Variants in CDHR5 observed in about 807,000 individuals in gnomAD.
CDHR5 encodes cadherin-related family member 5.
A neutral mutation model predicts 69.5 loss-of-function variants in CDHR5; 82 were observed. The observed-to-expected ratio is 1.18, with a 90% confidence interval of 0.99 to 1.42. CDHR5 has a LOEUF of 1.42. Ranked by LOEUF, CDHR5 falls within the 40% of genes most tolerant of loss-of-function variation. The pLI is 0.00. For synonymous variants in CDHR5, 601 were observed against 510.2 expected, an observed-to-expected ratio of 1.18 and a Z score of -2.40; for missense variants, 1,293 against 1,168.9, an observed-to-expected ratio of 1.11 and a Z score of -1.55.
intron 13 of CDHR5, 80 bp downstream of exon 13, chr11:618,519 G>A (rs891542533): frequency 3.3e-5 from 51 of 1,524,764 alleles, no homozygotes; most frequent in Admixed American, 7.0e-5. Context: ...AGGTCAGCCT[G>A]GGGTGGACCC....
chr11:621,694 C>T lies in CDHR5; in HGVS notation c.406-31G>A, dbSNP rs998797295. 6.4e-6 allele frequency: 10 copies of T among 1,571,670 alleles called. No individual in the cohort carries two copies. In the African/African-American group the frequency reaches 1.2e-4, roughly 19 times the overall value. On this transcript the variant is annotated intron_variant, in intron 4 of 14. Coordinates refer to ENST00000397542, the MANE Select transcript of CDHR5 (RefSeq NM_021924.5). This position sits in a 1 kb window ranked among gnomAD's most constrained non-coding sequence, Gnocchi z 4.4. ...GAGGGAGAGGGGCTTGGTCCGGCCA[C>T]ACTCTTGGCCCCTGTGGACCCCCAC...
At chr11:622,669 T>A (rs1028325639) in intron 3 of CDHR5, among the ~76,000 whole-genome samples, 1 of 150,036 alleles carries the variant, frequency 6.7e-6, no homozygotes, top group Non-Finnish European at 1.5e-5. Flanking sequence ...AGAGACGGGG[T>A]TTCACCATTT....
At chr11:623,335 C>T (rs1048209583) in intron 3 of CDHR5, among the ~76,000 whole-genome samples, 3 of 152,132 alleles carry the variant, frequency 2.0e-5, no homozygotes, top group Non-Finnish European at 4.4e-5. Context: ...CTTTCAGAGA[C>T]ATATCCCAAG....
In CDHR5 at chr11:617,656, C is replaced by A. The variant is rs756764471; in HGVS notation, c.2233G>T (p.Ala745Ser). 2.0e-6 allele frequency: 3 copies of A among 1,526,124 alleles called. No individual in the cohort carries two copies. Among genetic ancestry groups the A allele is most frequent in the African/African-American group, 1.4e-5 (1 of 72,060 alleles). The allele number at this position is 1,526,124 out of a possible 1,614,324, so 94.5% of individuals were successfully genotyped here. A position where few individuals can be genotyped will look rare whatever the true frequency, so the allele number is the denominator to read the frequency against. ...GCAGGGCCGGGGGGTGCGGGCTCTG[C>A]GGGCATCGGTGCCTCCGCGGGCTTG... ...DPKPAEAPMP[A>S]EPAPPGPASP... is the part of the protein sequence containing the mutation. The change falls in exon 15 of 15, where the codon GCA becomes TCA. Residue 745 changes from alanine to serine, a missense_variant. Transcript: ENST00000397542.
rs369395591 is a variant in CDHR5, at chr11:621,834, G to A, written c.383C>T (p.Thr128Ile). The A allele has an allele frequency of 6.2e-7, 1 of 1,613,514 alleles. No individual in the cohort carries two copies. The highest frequency in any genetic ancestry group is 8.5e-7 in the Non-Finnish European group (1 of 1,179,716). The change falls in exon 4 of 15, where the codon ACC (threonine) becomes ATC (isoleucine). Residue 128 changes from threonine (T) to isoleucine (I), a missense_variant. Coordinates refer to ENST00000397542, the MANE Select transcript of CDHR5 (RefSeq NM_021924.5). This position sits in a 1 kb window ranked among gnomAD's most constrained non-coding sequence, Gnocchi z 4.4. ...CACCTCCTCCACCCTTATCTCCTTGGTCTTAAAGGGGAATTCGGGGGCATT... is the reference window on the plus strand; with the variant it reads ...CACCTCCTCCACCCTTATCTCCTTGATCTTAAAGGGGAATTCGGGGGCATT... ...NDNAPEFPFK[T>I]KEIRVEEDTK...
In CDHR5 at chr11:620,420, G is replaced by A. The variant is rs1047513731; in HGVS notation, c.790-34C>T. 46 of 1,472,586 alleles carry A rather than the reference G, an allele frequency of 3.1e-5. No individual in the cohort carries two copies. In the East Asian group the frequency reaches 1.0e-3, roughly 32 times the overall value. The allele number at this position is 1,472,586 out of a possible 1,614,324, so 91.2% of individuals were successfully genotyped here. Reference sequence around the variant, plus strand: ...ATGGCGGAAGGGAGGGCACGTCGTGGGGCTGGGGTGGATGGCCCCAGCCTG... The same window carrying A: ...ATGGCGGAAGGGAGGGCACGTCGTGAGGCTGGGGTGGATGGCCCCAGCCTG... On this transcript the variant is annotated intron_variant, in intron 7 of 14. Transcript: ENST00000397542.
In CDHR5 at chr11:621,179, G is replaced by T. The variant is rs149130963; in HGVS notation, c.690C>A (p.Ala230=). Residue 230 remains alanine (A), a synonymous_variant, in exon 7 of 15, where the codon GCC becomes GCA. Transcript: ENST00000397542. This position sits in a 1 kb window ranked among gnomAD's most constrained non-coding sequence, Gnocchi z 4.4. ...GCAGGAACCACGGGGGCCGCAGGTC[G>T]GCGGGCACCACGTTCAGCACTAGTG... is the stretch of plus-strand genomic sequence containing the variant. ...TATLVLNVVP[A]DLRPPWFLPC... is the part of the protein sequence containing the mutation. 9.0e-5 allele frequency: 144 copies of T among 1,605,792 alleles called. 2 individuals carry two copies. In the South Asian group the frequency reaches 1.4e-3, roughly 16 times the overall value.
At chr11:619,994 C>G in intron 9 of CDHR5, 73 bp downstream of exon 9, 24 of 1,256,558 alleles carry the variant, frequency 1.9e-5, no homozygotes, top group Non-Finnish European at 2.6e-5. Context: ...CCCCGGCCCC[C>G]CAGCCCTGAC....
Position 617,521 on chromosome 11 carries a change from C to A in CDHR5, c.2368G>T (p.Ala790Ser). The A allele has an allele frequency of 6.2e-7, 1 of 1,612,666 alleles. No individual in the cohort carries two copies. Among genetic ancestry groups the A allele is most frequent in the South Asian group, 1.1e-5 (1 of 91,084 alleles). ...KERRPEGGYK[A>S]VWFGEDIGTE... ...CCGATGTCCTCGCCAAACCAGACAG[C>A]CTTGTACCCGCCCTCCGGCCGCCGC... The change falls in exon 15 of 15, where the codon GCT becomes TCT. Residue 790 changes from alanine to serine, a missense_variant. Transcript: ENST00000397542.
rs1468669253 is a variant in CDHR5, at chr11:617,497, C to A, written c.2392G>T (p.Gly798Trp). The A allele has an allele frequency of 1.2e-6, 2 of 1,612,736 alleles. No individual in the cohort carries two copies. The highest frequency in any genetic ancestry group is 1.7e-5 in the Admixed American group (1 of 60,028). The change falls in exon 15 of 15, where the codon GGG becomes TGG. Residue 798 changes from glycine to tryptophan, a missense_variant. Gly to Trp is a radical substitution (Grantham distance 184, BLOSUM62 -2). Coordinates refer to ENST00000397542, the MANE Select transcript of CDHR5 (RefSeq NM_021924.5). ...AGAACGACCACGTCTGCCTCCGTCC[C>A]GATGTCCTCGCCAAACCAGACAGCC... Reference protein sequence around the residue: ...YKAVWFGEDIGTEADVVVLNA... With the variant: ...YKAVWFGEDIWTEADVVVLNA...
chr11:617,896 T>TCCC (rs1857064960), intron 14 of CDHR5, 58 bp downstream of exon 14: 2 of 1,568,204 alleles, frequency 1.3e-6, no homozygotes, highest in South Asian at 2.3e-5. Context: ...CCCTCTCCTG[T>TCCC]CCCCCGTCCC....
chr11:620,730 G>A (rs1480548487), intron 7 of CDHR5, among the ~76,000 whole-genome samples: 1 of 152,168 alleles, frequency 6.6e-6, no homozygotes, highest in South Asian at 2.1e-4. Context: ...GTGCCTTGGT[G>A]CCAGGAAGGT....
chr11:624,458 G>T lies in CDHR5; in HGVS notation c.261+99C>A. 3 of 1,252,566 alleles carry T rather than the reference G, an allele frequency of 2.4e-6. No homozygotes were observed. Among genetic ancestry groups the T allele is most frequent in the Non-Finnish European group, 3.5e-6 (3 of 855,046 alleles). 77.6% of individuals were successfully genotyped at this position (1,252,566 alleles called of 1,614,324 possible). ...CAAGCATGGGTGTCAGTGGATGCCC[G>T]CAGGCATAGAACTCCTAGGCCCCCA... On this transcript the variant is annotated intron_variant, in intron 2 of 14. Transcript: ENST00000397542. This position sits in a 1 kb window ranked among gnomAD's most constrained non-coding sequence, Gnocchi z 5.3.
At chr11:618,147 C>T (rs1564893043) in intron 13 of CDHR5, 36 bp from the exon 14 acceptor site, 3 of 1,558,248 alleles carry the variant, frequency 1.9e-6, no homozygotes, top group Non-Finnish European at 8.8e-7. Context: ...CATCCCCGCA[C>T]TGTTGAGTGC....
At chr11:623,285 G>T (rs911885565) in intron 3 of CDHR5, among the ~76,000 whole-genome samples, 1 of 152,114 alleles carries the variant, frequency 6.6e-6, no homozygotes, top group African/African-American at 2.4e-5. Flanking sequence ...CGCCAGCCTG[G>T]GTGACAGAGT....
Position 621,066 on chromosome 11 carries a change from TC to T in CDHR5, c.789+13del, listed in dbSNP as rs757363354. 4.5e-6 allele frequency: 6 copies of T among 1,335,878 alleles called. No individual in the cohort carries two copies. Among genetic ancestry groups the T allele is most frequent in the Non-Finnish European group, 5.9e-6 (6 of 1,015,514 alleles). 82.8% of individuals were successfully genotyped at this position (1,335,878 alleles called of 1,614,324 possible). A position where few individuals can be genotyped will look rare whatever the true frequency, so the allele number is the denominator to read the frequency against. On this transcript the variant is annotated intron_variant, in intron 7 of 14. Transcript: ENST00000397542. The surrounding 1 kb of genome is among the most constrained non-coding windows in gnomAD (Gnocchi z 4.4). ...AAGGCCCTGCCCCGTGCACTGCCCC[TC>T]CCTCCCCATTACCAGTATGTGCCCC...
In CDHR5 at chr11:624,860, C is replaced by T. The variant is rs1287250119; in HGVS notation, c.43G>A (p.Gly15Arg). The change falls in exon 1 of 15, where the codon GGG becomes AGG. Residue 15 changes from glycine to arginine, a missense_variant. By Grantham distance (125) the Gly-to-Arg change is moderately radical. Transcript: ENST00000397542. The surrounding 1 kb of genome is among the most constrained non-coding windows in gnomAD (Gnocchi z 5.3). ...GTCCCCGGGGGTCGGACGAGCAGCC[C>T]GGTGAACAGCAGGGGAGGCCACAGC... ...ALLWPPLLFT[G>R]LLVRPPGTMA... 18 of 1,586,452 alleles carry T rather than the reference C, an allele frequency of 1.1e-5. No individual in the cohort carries two copies. Among genetic ancestry groups the T allele is most frequent in the African/African-American group, 2.7e-5 (2 of 74,012 alleles).
Position 617,601 on chromosome 11 carries a change from G to A in CDHR5, c.2288C>T (p.Ala763Val), listed in dbSNP as rs941009228. The A allele has an allele frequency of 3.7e-6, 6 of 1,606,298 alleles. No individual in the cohort carries two copies. The African/African-American group carries it at 8.0e-5, about 22-fold the overall frequency. Residue 763 changes from alanine (A) to valine (V), a missense_variant, in exon 15 of 15, where the codon GCA becomes GTA. Coordinates refer to ENST00000397542, the MANE Select transcript of CDHR5 (RefSeq NM_021924.5). ...GGGGCTTCCGCCAGCTCGGGCCGCT[G>A]CGGGGGGCTCAGGGGCACCGCCTGG... ...ASPGGAPEPP[A>V]AARAGGSPTA...
Position 616,999 on chromosome 11 carries a change from A to C in CDHR5, c.*352T>G. On this transcript the variant is annotated 3_prime_UTR_variant, in exon 15 of 15. Transcript: ENST00000397542. ...GCCGGGTGCCTGAGATCTCCGGTGC[A>C]GGTCGGGGGAGGGGAGCCCCCCTCG... 3.4e-6 allele frequency: 1 copy of C among 290,594 alleles called. No individual in the cohort carries two copies. The highest frequency in any genetic ancestry group is 6.7e-5 in the East Asian group (1 of 15,002). 18.0% of individuals were successfully genotyped at this position (290,594 alleles called of 1,614,324 possible).
Sources: allele counts gnomAD v4.1 joint callset (sites outside exome capture counted in the v4.1 genomes callset), GRCh38; gene constraint gnomAD v4.1.1; non-coding constraint Gnocchi (gnomAD v3.1); transcripts MANE v1.5; gene names NCBI Gene and HGNC (gene_info 2026-07-23, HGNC 2026-07-21).